Variants in CHRDL1 observed in about 807,000 individuals in gnomAD.
CHRDL1 encodes the protein chordin like 1.
A neutral mutation model predicts 40.9 loss-of-function variants in CHRDL1; 19 were observed. That is an observed-to-expected ratio of 0.46 (90% CI 0.32 to 0.68). The LOEUF (loss-of-function observed/expected upper bound fraction) is 0.68, where lower values mean the gene tolerates loss of function less well. CHRDL1 is among the 30% of genes least tolerant of loss of function. CHRDL1 has a pLI of 0.03. For synonymous variants in CHRDL1, 136 were observed against 123.4 expected (o/e 1.10, Z -0.68); for missense variants, 329 against 352.1 (o/e 0.93, Z 0.53).
chrX:110,758,753 C>G (rs1477145963), intron 4 of CHRDL1, among the ~76,000 whole-genome samples: 1 of 111,799 alleles, frequency 8.9e-6, no homozygotes, highest in Non-Finnish European at 1.9e-5. Flanking sequence ...CGGATGTTCT[C>G]TAAAGGAATT....
At position 110,674,075 on chromosome X, in the gene CHRDL1, T is replaced by C. The variant is rs2069722792; in HGVS notation, c.*2156A>G. The C allele has an allele frequency of 9.0e-6, 1 of 111,522 alleles. No homozygotes were observed. The allele number at this position is 111,522 out of a possible 1,213,427, so 9.2% of individuals were successfully genotyped here. ...TCCAAGTGTTTATGATACAAATAAA[T>C]ACACAAGAAGAACCACATCCATTCT... is the stretch of plus-strand genomic sequence containing the variant. On this transcript the variant is annotated 3_prime_UTR_variant, in exon 12 of 12. Transcript: ENST00000372042.
At chrX:110,766,814 G>T (rs1380253854) in intron 2 of CHRDL1, among the ~76,000 whole-genome samples, 2 of 111,735 alleles carry the variant, frequency 1.8e-5, no homozygotes, top group African/African-American at 6.5e-5. Flanking sequence ...GACAGAGCAA[G>T]AAGGAACCCT....
chrX:110,771,371 A>T (rs1388412619), intron 2 of CHRDL1, among the ~76,000 whole-genome samples: 2 of 112,013 alleles, frequency 1.8e-5, no homozygotes, highest in East Asian at 5.6e-4. Context: ...CCAGATAAAG[A>T]TATTACAAGA....
rs369191185 is a variant in CHRDL1 at position 110,721,567 on chromosome X, G to A, written c.302-37C>T. Reference sequence around the variant, plus strand: ...TGGAGAAAAACCACACTGAGTATTGGCATCATTGACAAGAATTTCATAAAT... The same window carrying A: ...TGGAGAAAAACCACACTGAGTATTGACATCATTGACAAGAATTTCATAAAT... On this transcript the variant is annotated intron_variant, in intron 4 of 11. Transcript: ENST00000372042. 6 of 1,141,444 alleles carry A rather than the reference G, an allele frequency of 5.3e-6. No individual in the cohort carries two copies. In the Admixed American group the frequency reaches 6.6e-5, roughly 13 times the overall value. 94.1% of individuals were successfully genotyped at this position (1,141,444 alleles called of 1,213,427 possible). A position where few individuals can be genotyped will look rare whatever the true frequency, so the allele number is the denominator to read the frequency against.
At position 110,705,203 on chromosome X, in the gene CHRDL1, C is replaced by T. The variant is rs767119924; in HGVS notation, c.542-4482G>A. Among the ~76,000 whole-genome samples, 13 of 103,817 alleles carry T rather than the reference C, an allele frequency of 1.3e-4. No individual in the cohort carries two copies. In the South Asian group the frequency reaches 1.8e-3, roughly 14 times the overall value. The allele number at this position is 103,817 out of a possible 115,157, so 90.2% of individuals were successfully genotyped here. A position where few individuals can be genotyped will look rare whatever the true frequency, so the allele number is the denominator to read the frequency against. ...TGTAACACAAATCAGATGAGTGTGT[C>T]GTGATGTGTATTTGATGAGCATTTG... On this transcript the variant is annotated intron_variant, in intron 6 of 11. Transcript: ENST00000372042.
At chrX:110,722,175 T>A (rs957007343) in intron 4 of CHRDL1, among the ~76,000 whole-genome samples, 12 of 109,976 alleles carry the variant, frequency 1.1e-4, no homozygotes, top group African/African-American at 3.3e-4. Flanking sequence ...TTTTTTTTTT[T>A]AAGTAGAGAT....
chrX:110,683,500 A>G lies in CHRDL1; in HGVS notation c.989-1851T>C, dbSNP rs1387476277. Among the ~76,000 whole-genome samples the G allele has an allele frequency of 1.8e-5, 2 of 111,995 alleles. 1 individual carries two copies. The highest frequency in any genetic ancestry group is 7.4e-4 in the South Asian group (2 of 2,685). ...AAGGAGAAGTATTATTCCAGCTGGGACAACTTTTAAGTCTTAATAGGGACT... is the reference window on the plus strand; with the variant it reads ...AAGGAGAAGTATTATTCCAGCTGGGGCAACTTTTAAGTCTTAATAGGGACT... On this transcript the variant is annotated intron_variant, in intron 9 of 11. Coordinates refer to ENST00000372042, the MANE Select transcript of CHRDL1 (RefSeq NM_001143981.2).
intron 7 of CHRDL1, among the ~76,000 whole-genome samples, chrX:110,698,142 G>A (rs1380551436): frequency 9.0e-6 from 1 of 111,289 alleles, no homozygotes; most frequent in Admixed American, 9.6e-5. Context: ...CAGTCTCCTG[G>A]ATAAGAAATC....
chrX:110,727,055 A>C (rs1049512616), intron 4 of CHRDL1, among the ~76,000 whole-genome samples: 1 of 112,232 alleles, frequency 8.9e-6, no homozygotes, highest in East Asian at 2.8e-4. Flanking sequence ...AGGCACAAAA[A>C]GGTGTTAAAT....
intron 1 of CHRDL1, among the ~76,000 whole-genome samples, chrX:110,792,808 C>T (rs1198822610): frequency 3.6e-5 from 4 of 112,260 alleles, no homozygotes; most frequent in Non-Finnish European, 7.5e-5. Flanking sequence ...AAAAGTTTTA[C>T]TGCTTAAAAT....
At chrX:110,788,790 G>A in intron 2 of CHRDL1, among the ~76,000 whole-genome samples, 1 of 111,822 alleles carries the variant, frequency 8.9e-6, no homozygotes. Flanking sequence ...AAGCATAAAA[G>A]TGAGCAAAAA....
intron 4 of CHRDL1, among the ~76,000 whole-genome samples, chrX:110,732,364 C>T (rs1355657434): frequency 9.0e-6 from 1 of 111,520 alleles, no homozygotes; most frequent in African/African-American, 3.3e-5. Flanking sequence ...ACCCTTGGCC[C>T]AACCCCCAGT....
chrX:110,766,689 T>G (rs2089667852), intron 2 of CHRDL1, among the ~76,000 whole-genome samples: 1 of 55,414 alleles, frequency 1.8e-5, no homozygotes, highest in African/African-American at 7.1e-5. Context: ...GAGATTGAAA[T>G]GGTAATTTAA....
chrX:110,677,766 C>T (rs377195969), intron 11 of CHRDL1, among the ~76,000 whole-genome samples: 2 of 111,916 alleles, frequency 1.8e-5, no homozygotes, highest in African/African-American at 6.5e-5. Flanking sequence ...TGGACCCTAA[C>T]TCTGCTCAGA....
At chrX:110,711,504 GT>G (rs1243723134) in intron 6 of CHRDL1, among the ~76,000 whole-genome samples, 1 of 111,830 alleles carries the variant, frequency 8.9e-6, no homozygotes, top group Non-Finnish European at 1.9e-5. Context: ...TTAAAGTAGT[GT>G]TTCTCATTAA....
rs182985226 is a variant in CHRDL1, at chrX:110,746,241, G to A, written c.301+13420C>T. 6.4e-4 allele frequency among the ~76,000 whole-genome samples: 71 copies of A among 111,026 alleles called. No homozygotes were observed. In the East Asian group the frequency reaches 0.011, roughly 17 times the overall value. Reference sequence around the variant, plus strand: ...GACACACTGTGCTCCTGCAAGAGGCGCCAGATGACAGCCTCTAGCAAGACC... The same window carrying A: ...GACACACTGTGCTCCTGCAAGAGGCACCAGATGACAGCCTCTAGCAAGACC... On this transcript the variant is annotated intron_variant, in intron 4 of 11. Coordinates refer to ENST00000372042, the MANE Select transcript of CHRDL1 (RefSeq NM_001143981.2).
chrX:110,681,446 C>T, intron 10 of CHRDL1, 36 bp downstream of exon 10: 1 of 1,162,124 alleles, frequency 8.6e-7, no homozygotes, highest in Non-Finnish European at 1.2e-6. Context: ...TCTGTGCCCC[C>T]TTACAAAGAT....
Position 110,694,312 on chromosome X carries a change from G to A in CHRDL1, c.629C>T (p.Ser210Phe), listed in dbSNP as rs201430666. ...TCGGCTTGGTGGAGGATCATAGTGA[G>A]AGCGGTGGTAAGAATGTCTCTGTAA... Reference protein sequence around the residue: ...NREARHSYHRSHYDPPPSRQA... With the variant: ...NREARHSYHRFHYDPPPSRQA... The change falls in exon 8 of 12, where the codon TCT (serine) becomes TTT (phenylalanine). Residue 210 changes from serine to phenylalanine, a missense_variant. Transcript: ENST00000372042. 3.3e-6 allele frequency: 4 copies of A among 1,206,857 alleles called. No individual in the cohort carries two copies. Among genetic ancestry groups the A allele is most frequent in the Middle Eastern group, 2.3e-4 (1 of 4,317 alleles).
At chrX:110,699,025 T>C (rs1360169161) in intron 7 of CHRDL1, among the ~76,000 whole-genome samples, 1 of 111,280 alleles carries the variant, frequency 9.0e-6, no homozygotes, top group Non-Finnish European at 1.9e-5. Context: ...GCAGATAGAG[T>C]TGGGTGGAGA....
Sources: gnomAD v4.1 joint callset for allele counts (sites outside exome capture counted in the v4.1 genomes callset) on GRCh38, gnomAD v4.1.1 for gene constraint, MANE v1.5 for transcripts, NCBI Gene and HGNC (gene_info 2026-07-23, HGNC 2026-07-21) for gene names.